Variants in SUGCT observed in about 807,000 individuals in gnomAD.
SUGCT encodes the protein succinyl-CoA:glutarate CoA-transferase.
SUGCT carries 41 observed loss-of-function variants against 55.0 expected under a neutral mutation model. The ratio of observed to expected loss-of-function variants is 0.74; its 90% confidence interval spans 0.58 to 0.97. The LOEUF (loss-of-function observed/expected upper bound fraction) is 0.97. SUGCT is among the 50% of genes least tolerant of loss of function. SUGCT has a pLI of 0.00. For missense variants in SUGCT, 568 were observed against 547.8 expected, an observed-to-expected ratio of 1.04 and a Z score of -0.37; for synonymous variants, 187 against 200.4, an observed-to-expected ratio of 0.93 and a Z score of 0.56.
chr7:40,812,615 T>C (rs949894261), intron 13 of SUGCT, among the ~76,000 whole-genome samples: 1 of 152,060 alleles, frequency 6.6e-6, no homozygotes, highest in Non-Finnish European at 1.5e-5. Flanking sequence ...TCTTCTCTCT[T>C]TTTTTTGTTA....
intron 7 of SUGCT, among the ~76,000 whole-genome samples, chr7:40,249,313 C>CTATCTATATCTATATATCTATATCTA (rs1324264789): frequency 1.3e-5 from 1 of 79,518 alleles, no homozygotes. Flanking sequence ...CACCAAAAAG[C>CTATCTATATCTATATATCTATATCTA]TATATATATA....
At chr7:40,999,756 T>C in the SUGCT span, among the ~76,000 whole-genome samples, 1 of 152,174 alleles carries the variant, frequency 6.6e-6, no homozygotes, top group Admixed American at 6.6e-5. Flanking sequence ...GTGGGACTTT[T>C]ACCTTTCCAG....
chr7:40,674,718 T>A lies in SUGCT; in HGVS notation c.1090-74716T>A, dbSNP rs1783871132. Among the ~76,000 whole-genome samples the A allele has an allele frequency of 2.6e-5, 4 of 152,120 alleles. No individual in the cohort carries two copies. In the South Asian group the frequency reaches 8.3e-4, roughly 32 times the overall value. On this transcript the variant is annotated intron_variant, in intron 12 of 13. Transcript: ENST00000335693. ...AAATGAAGAAATCCAGACAGTCTGGTTTTTTTGTTTTTGTTTTTGTCTTTT... is the reference window on the plus strand; with the variant it reads ...AAATGAAGAAATCCAGACAGTCTGGATTTTTTGTTTTTGTTTTTGTCTTTT...
At chr7:40,228,981 G>C (rs949131012) in intron 6 of SUGCT, among the ~76,000 whole-genome samples, 1 of 152,064 alleles carries the variant, frequency 6.6e-6, no homozygotes, top group Admixed American at 6.6e-5. Context: ...TGGCTTCTGC[G>C]TCTTTTTGAC....
At chr7:40,685,535 C>T (rs1284824037) in intron 12 of SUGCT, among the ~76,000 whole-genome samples, 1 of 152,168 alleles carries the variant, frequency 6.6e-6, no homozygotes, top group Non-Finnish European at 1.5e-5. Context: ...GATTGGTAAT[C>T]GGCCAGATGC....
intron 12 of SUGCT, among the ~76,000 whole-genome samples, chr7:40,745,478 A>G (rs1787688967): frequency 6.6e-6 from 1 of 152,080 alleles, no homozygotes; most frequent in Admixed American, 6.5e-5. Context: ...CTTTCCCCCC[A>G]TCATTAATAC....
At chr7:40,978,920 A>G in the SUGCT span, among the ~76,000 whole-genome samples, 1 of 152,344 alleles carries the variant, frequency 6.6e-6, no homozygotes, top group South Asian at 2.1e-4. Flanking sequence ...GGCTTTAAGC[A>G]GGATAATGAC....
the SUGCT span, among the ~76,000 whole-genome samples, chr7:40,926,911 A>G: frequency 5.9e-5 from 9 of 152,244 alleles, no homozygotes; most frequent in Non-Finnish European, 1.0e-4. Flanking sequence ...AGTTTGAGGT[A>G]AATTCCAAGT....
At chr7:40,262,574 A>G (rs1276573259) in intron 7 of SUGCT, among the ~76,000 whole-genome samples, 1 of 151,860 alleles carries the variant, frequency 6.6e-6, no homozygotes, top group Admixed American at 6.6e-5. Flanking sequence ...CTGAGGCAGA[A>G]GAATGGTGTG....
At chr7:40,259,009 G>T (rs764307027) in intron 7 of SUGCT, among the ~76,000 whole-genome samples, 1 of 152,126 alleles carries the variant, frequency 6.6e-6, no homozygotes, top group Non-Finnish European at 1.5e-5. Context: ...CTTGTCACAT[G>T]TTATAACATA....
intron 12 of SUGCT, among the ~76,000 whole-genome samples, chr7:40,600,247 G>A (rs1247431496): frequency 6.6e-6 from 1 of 152,170 alleles, no homozygotes; most frequent in Non-Finnish European, 1.5e-5. Context: ...TTTCTTATGT[G>A]TGTGTGAATC....
chr7:40,415,268 C>CAA (rs35619419), intron 9 of SUGCT, among the ~76,000 whole-genome samples: 3,923 of 107,470 alleles, frequency 0.037, 95 homozygotes, highest in South Asian at 0.067. Flanking sequence ...GACTCCATCT[C>CAA]AAAAAAAAAA....
At chr7:40,512,162 C>G (rs953416009) in intron 12 of SUGCT, among the ~76,000 whole-genome samples, 9 of 152,152 alleles carry the variant, frequency 5.9e-5, no homozygotes, top group African/African-American at 2.2e-4. Context: ...TCTCATTTAA[C>G]TTTTTTGAAA....
intron 9 of SUGCT, among the ~76,000 whole-genome samples, chr7:40,382,163 C>T (rs1260012954): frequency 1.3e-5 from 2 of 151,752 alleles, no homozygotes; most frequent in Non-Finnish European, 2.9e-5. Flanking sequence ...TTCATATGTC[C>T]CTGTGTAGCC....
chr7:40,470,915 T>A (rs1378112127), intron 11 of SUGCT, among the ~76,000 whole-genome samples: 1 of 152,174 alleles, frequency 6.6e-6, no homozygotes, highest in South Asian at 2.1e-4. Context: ...TCTCATTTGC[T>A]AACTTTGGAA....
intron 13 of SUGCT, among the ~76,000 whole-genome samples, chr7:40,847,326 A>G (rs766442858): frequency 1.2e-4 from 18 of 152,102 alleles, no homozygotes; most frequent in Non-Finnish European, 2.2e-4. Flanking sequence ...CACACTGCCA[A>G]AGAGACAGGG....
At chr7:40,267,631 G>T (rs1205869347) in intron 7 of SUGCT, among the ~76,000 whole-genome samples, 1 of 152,146 alleles carries the variant, frequency 6.6e-6, no homozygotes, top group Non-Finnish European at 1.5e-5. Context: ...TAGCAGCAGG[G>T]CTCTGTGGAG....
At chr7:40,895,372 T>C in the SUGCT span, among the ~76,000 whole-genome samples, 1 of 152,118 alleles carries the variant, frequency 6.6e-6, no homozygotes, top group Non-Finnish European at 1.5e-5. Flanking sequence ...ACTATGTTTA[T>C]TACTGAGTGA....
At chr7:40,260,000 G>T (rs1045445444) in intron 7 of SUGCT, among the ~76,000 whole-genome samples, 14 of 152,148 alleles carry the variant, frequency 9.2e-5, no homozygotes, top group African/African-American at 2.9e-4. Flanking sequence ...ATTTTAAAAT[G>T]ATATGTGGGA....
Sources: allele counts gnomAD v4.1 joint callset (sites outside exome capture counted in the v4.1 genomes callset), GRCh38; gene constraint gnomAD v4.1.1; transcripts MANE v1.5; gene names NCBI Gene and HGNC (gene_info 2026-07-23, HGNC 2026-07-21).